Variants in TENM4 observed in about 807,000 individuals in gnomAD.
TENM4 encodes the protein teneurin-4.
In TENM4, 82 loss-of-function variants were observed where a neutral mutation model predicts 243.3. The ratio of observed to expected loss-of-function variants is 0.34; its 90% CI spans 0.28 to 0.40. The LOEUF (loss-of-function observed/expected upper bound fraction) is 0.40. Ranked by LOEUF, TENM4 falls within the 10% of genes least tolerant of loss-of-function variation. The pLI is 1.00. For synonymous variants in TENM4, 1,412 were observed against 1,456.3 expected, an observed-to-expected ratio of 0.97 and a Z score of 0.69; for missense variants, 3,138 against 3,673.3, an observed-to-expected ratio of 0.85 and a Z score of 3.77.
chr11:78,803,440 G>A (rs1591035542), intron 15 of TENM4, among the ~76,000 whole-genome samples: 1 of 152,178 alleles, frequency 6.6e-6, no homozygotes, highest in Non-Finnish European at 1.5e-5. Flanking sequence ...TAATTAGTAA[G>A]TAGCAGGGCC....
chr11:79,242,208 G>A (rs566526915), intron 2 of TENM4, among the ~76,000 whole-genome samples: 12 of 151,870 alleles, frequency 7.9e-5, no homozygotes, highest in South Asian at 2.1e-4. Context: ...GGTAAATAAC[G>A]TTTATTTAAT....
chr11:79,028,128 G>A (rs1309348033), intron 6 of TENM4, among the ~76,000 whole-genome samples: 1 of 152,188 alleles, frequency 6.6e-6, no homozygotes, highest in African/African-American at 2.4e-5. Context: ...CTGTACCTCA[G>A]TTTCCTCACT....
intron 6 of TENM4, among the ~76,000 whole-genome samples, chr11:78,998,682 C>T (rs1343665783): frequency 6.6e-6 from 1 of 152,190 alleles, no homozygotes; most frequent in East Asian, 1.9e-4. Context: ...TGAGGATTGG[C>T]AACTTGGCTT....
intron 12 of TENM4, among the ~76,000 whole-genome samples, chr11:78,814,639 T>G (rs1024101006): frequency 6.6e-6 from 1 of 152,266 alleles, no homozygotes; most frequent in Non-Finnish European, 1.5e-5. Context: ...AAATCAAATT[T>G]GTATCTACAA....
intron 7 of TENM4, among the ~76,000 whole-genome samples, chr11:78,892,033 T>C (rs535367976): frequency 4.6e-5 from 7 of 152,242 alleles, no homozygotes; most frequent in African/African-American, 1.7e-4. Context: ...CTGACCATGG[T>C]CAGAGGATCA....
intron 3 of TENM4, among the ~76,000 whole-genome samples, chr11:79,208,698 T>C (rs912436664): frequency 2.0e-5 from 3 of 152,142 alleles, no homozygotes; most frequent in African/African-American, 7.2e-5. Context: ...CACTGGGTAG[T>C]TGAGAGTGTT....
At chr11:78,956,730 T>A (rs985405808) in intron 6 of TENM4, among the ~76,000 whole-genome samples, 10 of 152,326 alleles carry the variant, frequency 6.6e-5, no homozygotes, top group South Asian at 6.2e-4. Context: ...ACTCTGAGAC[T>A]AAATGTTTAA....
chr11:78,675,637 G>A (rs764100889), intron 30 of TENM4, among the ~76,000 whole-genome samples: 3 of 152,208 alleles, frequency 2.0e-5, no homozygotes, highest in Admixed American at 2.0e-4. Context: ...GTGATGGCTC[G>A]GGTGAGGTCA....
intron 1 of TENM4, among the ~76,000 whole-genome samples, chr11:79,398,250 T>C (rs1296732194): frequency 6.6e-6 from 1 of 151,620 alleles, no homozygotes; most frequent in African/African-American, 2.4e-5. Flanking sequence ...GAGTTCAAAA[T>C]AGAATCCAAT....
At chr11:78,707,279 A>G (rs990578761) in intron 27 of TENM4, among the ~76,000 whole-genome samples, 4 of 152,246 alleles carry the variant, frequency 2.6e-5, no homozygotes, top group East Asian at 3.8e-4. Flanking sequence ...AGCACAGGCC[A>G]CTGATTCAGC....
chr11:79,172,607 G>A (rs946758870), intron 3 of TENM4, among the ~76,000 whole-genome samples: 3 of 151,578 alleles, frequency 2.0e-5, no homozygotes, highest in Non-Finnish European at 2.9e-5. Flanking sequence ...CCCTGACTTA[G>A]GCATCATCAA....
rs949813944 is a variant in TENM4 at position 79,037,195 on chromosome 11, C to T, written c.493+27543G>A. Among the ~76,000 whole-genome samples, 8 of 152,316 alleles carry T rather than the reference C, an allele frequency of 5.3e-5. No individual in the cohort carries two copies. The East Asian group carries it at 1.5e-3, about 29-fold the overall frequency. On this transcript the variant is annotated intron_variant, in intron 6 of 33. Transcript: ENST00000278550. ...GGTGCTATGCACATGGGCCAGCTGC[C>T]TGCTCCTCTAACCTCAAATGTGGTC...
chr11:79,297,938 T>C (rs1377806735), intron 1 of TENM4, among the ~76,000 whole-genome samples: 5 of 152,064 alleles, frequency 3.3e-5, no homozygotes, highest in Admixed American at 6.5e-5. Context: ...TTTTTCTTTT[T>C]TTTTTCCTTC....
chr11:79,320,128 C>G (rs1856863728), intron 1 of TENM4, among the ~76,000 whole-genome samples: 1 of 152,206 alleles, frequency 6.6e-6, no homozygotes, highest in South Asian at 2.1e-4. Context: ...CTCTTCCCTT[C>G]TGCACCCTCT....
intron 11 of TENM4, among the ~76,000 whole-genome samples, chr11:78,855,739 G>A (rs1464732092): frequency 6.6e-6 from 1 of 152,204 alleles, no homozygotes; most frequent in Non-Finnish European, 1.5e-5. Flanking sequence ...ATAGCAGAAA[G>A]GCTGTTAAGA....
chr11:78,833,930 A>C (rs1308923475), intron 12 of TENM4, among the ~76,000 whole-genome samples: 1 of 152,162 alleles, frequency 6.6e-6, no homozygotes, highest in Non-Finnish European at 1.5e-5. Flanking sequence ...AACTCTTTGC[A>C]TGTAATCTCT....
At chr11:79,325,600 T>C (rs1856961060) in intron 1 of TENM4, among the ~76,000 whole-genome samples, 3 of 152,208 alleles carry the variant, frequency 2.0e-5, no homozygotes. Context: ...AACTGTTAAC[T>C]GAGATCAGGC....
At chr11:78,950,167 A>G (rs766596092) in intron 6 of TENM4, among the ~76,000 whole-genome samples, 4 of 152,186 alleles carry the variant, frequency 2.6e-5, no homozygotes, top group Admixed American at 1.3e-4. Context: ...ACCTCAGGAC[A>G]AAGGCCATCA....
At chr11:79,351,034 T>A (rs1436710020) in intron 1 of TENM4, among the ~76,000 whole-genome samples, 1 of 152,122 alleles carries the variant, frequency 6.6e-6, no homozygotes, top group Non-Finnish European at 1.5e-5. Context: ...TCCTTCCTTT[T>A]CGCTTTCTTC....
Sources: gnomAD v4.1 joint callset for allele counts (sites outside exome capture counted in the v4.1 genomes callset) on GRCh38, gnomAD v4.1.1 for gene constraint, MANE v1.5 for transcripts, NCBI Gene and HGNC (gene_info 2026-07-23, HGNC 2026-07-21) for gene names.